Variants in NOL4L observed in about 807,000 individuals in gnomAD.
NOL4L encodes the protein nucleolar protein 4-like.
Under a neutral mutation model 64.5 loss-of-function variants are expected in NOL4L, and 7 were observed. The ratio of observed to expected loss-of-function variants is 0.11; its 90% CI spans 0.06 to 0.20. The LOEUF is 0.20. NOL4L is among the 10% of genes least tolerant of loss of function. The probability of loss-of-function intolerance (pLI) is 1.00; values close to 1 mark genes in which losing one functional copy is unlikely to be tolerated. For synonymous variants in NOL4L, 413 were observed against 401.0 expected, an observed-to-expected ratio of 1.03 and a Z score of -0.36; for missense variants, 680 against 967.1, an observed-to-expected ratio of 0.70 and a Z score of 3.94.
At chr20:32,584,500 A>AC in intron 1 of NOL4L, 70 bp downstream of exon 1, 7 of 444,296 alleles carry the variant, frequency 1.6e-5, no homozygotes, top group Non-Finnish European at 1.6e-5. Flanking sequence ...CCACACCCCC[A>AC]CCCCGCCCCC....
intron 1 of NOL4L, among the ~76,000 whole-genome samples, chr20:32,543,818 G>A (rs2018695220): frequency 6.6e-6 from 1 of 151,958 alleles, no homozygotes; most frequent in African/African-American, 2.4e-5. Flanking sequence ...AAAGATACCA[G>A]GGTCAGGCAC....
chr20:32,453,243 G>A lies in NOL4L; in HGVS notation c.1497+61C>T. ...GTGAAGGGGCCCGGGCATCCTGGGA[G>A]TGTGGCAGGAGGTCAGTAGTGGCAC... On this transcript the variant is annotated intron_variant, in intron 8 of 10. Coordinates refer to ENST00000621426, the MANE Select transcript of NOL4L (RefSeq NM_001256798.2). This position sits in a 1 kb window ranked among gnomAD's most constrained non-coding sequence, Gnocchi z 5.6. 1 of 1,570,116 alleles carries A rather than the reference G, an allele frequency of 6.4e-7. No individual in the cohort carries two copies. The highest frequency in any genetic ancestry group is 8.7e-7 in the Non-Finnish European group (1 of 1,151,652).
intron 3 of NOL4L, among the ~76,000 whole-genome samples, chr20:32,516,008 G>A (rs1034581102): frequency 2.0e-5 from 3 of 152,172 alleles, no homozygotes; most frequent in Non-Finnish European, 2.9e-5. Context: ...GCAGCTGGGC[G>A]CCAATGGCAC....
rs1000979957 is a variant in NOL4L at position 32,549,646 on chromosome 20, A to T, written c.322-21733T>A. Among the ~76,000 whole-genome samples, 3 of 152,288 alleles carry T rather than the reference A, an allele frequency of 2.0e-5. No homozygotes were observed. In the East Asian group the frequency reaches 5.8e-4, roughly 29 times the overall value. On this transcript the variant is annotated intron_variant, in intron 1 of 10. Coordinates refer to ENST00000621426, the MANE Select transcript of NOL4L (RefSeq NM_001256798.2). ...CCCGCTACTGTAATCCCAGCTACTCAGGAGGCTGAGGCAGGAGAATCACTT... is the reference window on the plus strand; with the variant it reads ...CCCGCTACTGTAATCCCAGCTACTCTGGAGGCTGAGGCAGGAGAATCACTT...
At chr20:32,509,860 T>TG in intron 4 of NOL4L, 1 of 1,304,314 alleles carries the variant, frequency 7.7e-7, no homozygotes, top group Admixed American at 2.3e-5. Flanking sequence ...TGTGCGGTTT[T>TG]GTGCTTCATT....
chr20:32,488,745 CT>C (rs2016210217), intron 4 of NOL4L, among the ~76,000 whole-genome samples: 1 of 145,292 alleles, frequency 6.9e-6, no homozygotes, highest in Non-Finnish European at 1.5e-5. Context: ...TTCTTTCTTT[CT>C]TTTCCTTCCT....
At chr20:32,541,008 T>TACACACACACACAA (rs2018645235) in intron 1 of NOL4L, among the ~76,000 whole-genome samples, 1 of 133,516 alleles carries the variant, frequency 7.5e-6, no homozygotes, top group Non-Finnish European at 1.6e-5. Context: ...CGCCACCCCC[T>TACACACACACACAA]ACACACACAC....
chr20:32,527,222 C>A (rs915073537), intron 2 of NOL4L, among the ~76,000 whole-genome samples: 3 of 152,066 alleles, frequency 2.0e-5, no homozygotes, highest in Non-Finnish European at 4.4e-5. Context: ...TCTCAGCCTC[C>A]CCACCCCAAA....
intron 5 of NOL4L, among the ~76,000 whole-genome samples, chr20:32,457,729 G>A (rs902082164): frequency 4.1e-4 from 62 of 152,118 alleles, no homozygotes; most frequent in African/African-American, 1.5e-3. Flanking sequence ...TCCTCCTTCG[G>A]GCAGCCTAGC....
chr20:32,536,701 C>T (rs112914208), intron 1 of NOL4L, among the ~76,000 whole-genome samples: 5,446 of 149,256 alleles, frequency 0.036, 341 homozygotes, highest in African/African-American at 0.13. Context: ...CCCCTCTCCC[C>T]GGAGCTGGGA....
chr20:32,490,702 GA>G (rs1167552173), intron 4 of NOL4L, among the ~76,000 whole-genome samples: 3 of 152,142 alleles, frequency 2.0e-5, no homozygotes, highest in African/African-American at 7.2e-5. Context: ...CTGACTTGTT[GA>G]AATACATTCT....
At chr20:32,457,412 A>T (rs1214144884) in intron 5 of NOL4L, among the ~76,000 whole-genome samples, 1 of 152,100 alleles carries the variant, frequency 6.6e-6, no homozygotes, top group African/African-American at 2.4e-5. Flanking sequence ...AGGGGTGGTC[A>T]CAGCGGGCCC....
At chr20:32,502,765 G>A (rs549368860) in intron 4 of NOL4L, among the ~76,000 whole-genome samples, 89 of 152,102 alleles carry the variant, frequency 5.9e-4, no homozygotes, top group Non-Finnish European at 1.0e-3. Flanking sequence ...ACAAAAATTA[G>A]CCGGGAGTGG....
rs2012211873 is a variant in NOL4L, at chr20:32,443,431, A to AT, written c.*4164dup. 1 of 152,268 alleles carries AT rather than the reference A, an allele frequency of 6.6e-6. No homozygotes were observed. Among genetic ancestry groups the AT allele is most frequent in the African/African-American group, 2.4e-5 (1 of 41,476 alleles). 9.4% of individuals were successfully genotyped at this position (152,268 alleles called of 1,614,324 possible). On this transcript the variant is annotated 3_prime_UTR_variant, in exon 11 of 11. Transcript: ENST00000621426. ...GAGCCACGTTAAGTTGCATAGGTGCATATCTGTAAAAATATAATTTAGAGG... is the reference window on the plus strand; with the variant it reads ...GAGCCACGTTAAGTTGCATAGGTGCATTATCTGTAAAAATATAATTTAGAGG...
At chr20:32,484,533 C>T (rs1054208292) in intron 4 of NOL4L, among the ~76,000 whole-genome samples, 2 of 152,074 alleles carry the variant, frequency 1.3e-5, no homozygotes, top group Non-Finnish European at 1.5e-5. Flanking sequence ...GAGGCGCTCA[C>T]CTGTTCGACC....
intron 6 of NOL4L, among the ~76,000 whole-genome samples, chr20:32,455,472 A>G (rs566237816): frequency 1.3e-5 from 2 of 152,324 alleles, no homozygotes; most frequent in South Asian, 4.1e-4. Context: ...GCCTGTCCAG[A>G]GGTGTAAGCT....
chr20:32,495,363 G>C (rs1237645827), intron 4 of NOL4L, among the ~76,000 whole-genome samples: 1 of 152,204 alleles, frequency 6.6e-6, no homozygotes, highest in Non-Finnish European at 1.5e-5. Flanking sequence ...GCTGGATCGA[G>C]CCCCTCTCCT....
At chr20:32,532,687 T>A (rs1235499999) in intron 1 of NOL4L, among the ~76,000 whole-genome samples, 1 of 152,202 alleles carries the variant, frequency 6.6e-6, no homozygotes, top group African/African-American at 2.4e-5. Context: ...CTAAGCAAAC[T>A]GGACAGTGAA....
At chr20:32,461,012 G>A (rs990634418) in intron 5 of NOL4L, among the ~76,000 whole-genome samples, 2 of 152,214 alleles carry the variant, frequency 1.3e-5, no homozygotes, top group African/African-American at 4.8e-5. Flanking sequence ...CCGGCTGTGG[G>A]CCACGGCTCT....
Sources: gnomAD v4.1 joint callset for allele counts (sites outside exome capture counted in the v4.1 genomes callset) on GRCh38, gnomAD v4.1.1 for gene constraint, Gnocchi (gnomAD v3.1) non-coding constraint, MANE v1.5 for transcripts, NCBI Gene and HGNC (gene_info 2026-07-23, HGNC 2026-07-21) for gene names.